Variants in NHLRC2 observed in about 807,000 individuals in gnomAD.
NHLRC2 encodes the protein NHL repeat-containing protein 2.
Under a neutral mutation model 68.1 loss-of-function variants are expected in NHLRC2, and 33 were observed. The observed-to-expected ratio is 0.48, with a 90% confidence interval of 0.37 to 0.65. The LOEUF (loss-of-function observed/expected upper bound fraction) is 0.65, where lower values mean the gene tolerates loss of function less well. NHLRC2 is among the 30% of genes least tolerant of loss of function. The probability of loss-of-function intolerance (pLI) is 0.00; values close to 1 mark genes in which losing one functional copy is unlikely to be tolerated. For missense variants in NHLRC2, 761 were observed against 853.8 expected (o/e 0.89, Z 1.35); for synonymous variants, 311 against 309.6 (o/e 1.00, Z -0.05).
In NHLRC2 at chr10:113,908,735, G is replaced by A; in HGVS notation, c.*199G>A. ...ATAAACAAATTCCTTTGCTTTGGCT[G>A]ATACTAGCTGAGTCATTGATCATCA... On this transcript the variant is annotated 3_prime_UTR_variant, in exon 11 of 11. Transcript: ENST00000369301. 1.7e-6 allele frequency: 1 copy of A among 579,892 alleles called. No individual in the cohort carries two copies. The highest frequency in any genetic ancestry group is 3.0e-5 in the Admixed American group (1 of 32,816). 35.9% of individuals were successfully genotyped at this position (579,892 alleles called of 1,614,324 possible). A position where few individuals can be genotyped will look rare whatever the true frequency, so the allele number is the denominator to read the frequency against.
intron 2 of NHLRC2, among the ~76,000 whole-genome samples, chr10:113,863,699 A>G (rs901388267): frequency 6.6e-6 from 1 of 152,156 alleles, no homozygotes; most frequent in Admixed American, 6.5e-5. Flanking sequence ...CTCTAAAAGT[A>G]CCAGAAAAAT....
Position 113,914,932 on chromosome 10 carries a change from C to G in NHLRC2, c.*6396C>G. The G allele has an allele frequency of 2.2e-6, 1 of 455,468 alleles. No homozygotes were observed. The allele number at this position is 455,468 out of a possible 1,614,324, so 28.2% of individuals were successfully genotyped here. Reference sequence around the variant, plus strand: ...ACCCTGGCCCCTTTACATATGAGCTCTGGAGGTTCGCCTGGCTGCCTCAGG... The same window carrying G: ...ACCCTGGCCCCTTTACATATGAGCTGTGGAGGTTCGCCTGGCTGCCTCAGG... On this transcript the variant is annotated 3_prime_UTR_variant, in exon 11 of 11. Transcript: ENST00000369301.
chr10:113,874,260 A>G (rs1289739570), intron 2 of NHLRC2, among the ~76,000 whole-genome samples: 3 of 152,182 alleles, frequency 2.0e-5, no homozygotes, highest in African/African-American at 7.2e-5. Flanking sequence ...CACCTGACTT[A>G]TAAGGCATTT....
chr10:113,914,828 T>C lies in NHLRC2; in HGVS notation c.*6292T>C. On this transcript the variant is annotated 3_prime_UTR_variant, in exon 11 of 11. Coordinates refer to ENST00000369301, the MANE Select transcript of NHLRC2 (RefSeq NM_198514.4). ...AGAGTTTGCTTTTTTCCCATGTCTTTGCAATAGGATAATATAAAGAATAGT... is the reference window on the plus strand; with the variant it reads ...AGAGTTTGCTTTTTTCCCATGTCTTCGCAATAGGATAATATAAAGAATAGT... 1 of 347,840 alleles carries C rather than the reference T, an allele frequency of 2.9e-6. No individual in the cohort carries two copies. Among genetic ancestry groups the C allele is most frequent in the Non-Finnish European group, 5.7e-6 (1 of 176,848 alleles). The allele number at this position is 347,840 out of a possible 1,614,324, so 21.5% of individuals were successfully genotyped here. A position where few individuals can be genotyped will look rare whatever the true frequency, so the allele number is the denominator to read the frequency against.
chr10:113,878,218 G>C (rs891597612), intron 3 of NHLRC2, among the ~76,000 whole-genome samples: 3 of 151,828 alleles, frequency 2.0e-5, no homozygotes, highest in South Asian at 2.1e-4. Flanking sequence ...TTTTCCTTAT[G>C]GGGGGGTATA....
intron 2 of NHLRC2, among the ~76,000 whole-genome samples, chr10:113,869,707 T>C (rs1845904374): frequency 6.6e-6 from 1 of 152,190 alleles, no homozygotes; most frequent in South Asian, 2.1e-4. Flanking sequence ...GTGTGATACA[T>C]GATAACATAC....
Position 113,908,781 on chromosome 10 carries a change from T to A in NHLRC2, c.*245T>A. On this transcript the variant is annotated 3_prime_UTR_variant, in exon 11 of 11. Transcript: ENST00000369301. ...CATCATTGGTACCATGATATTGTAATCTATGCTGCTATTTGGCACAAGACT... is the reference window on the plus strand; with the variant it reads ...CATCATTGGTACCATGATATTGTAAACTATGCTGCTATTTGGCACAAGACT... 4.0e-6 allele frequency: 2 copies of A among 504,756 alleles called. No individual in the cohort carries two copies. Among genetic ancestry groups the A allele is most frequent in the Non-Finnish European group, 7.1e-6 (2 of 280,970 alleles). The allele number at this position is 504,756 out of a possible 1,614,324, so 31.3% of individuals were successfully genotyped here.
chr10:113,860,935 G>C (rs944988246), intron 2 of NHLRC2, among the ~76,000 whole-genome samples: 1 of 152,204 alleles, frequency 6.6e-6, no homozygotes, highest in Non-Finnish European at 1.5e-5. Flanking sequence ...ATTTTGACTT[G>C]ATGGTGGAAA....
In NHLRC2 at chr10:113,879,594, G is replaced by A; in HGVS notation, c.808G>A (p.Asp270Asn). ...TTTAGGACCCAACCCTGGAAGAAAA[G>A]ATGGAATATTTTCAGAATCAACTTT... is the stretch of plus-strand genomic sequence containing the variant. Reference protein sequence around the residue: ...SIGGPNPGRKDGIFSESTFNS... With the variant: ...SIGGPNPGRKNGIFSESTFNS... The change falls in exon 4 of 11, where the codon GAT becomes AAT. Residue 270 changes from aspartate (D) to asparagine (N), a missense_variant. By Grantham distance (23) the Asp-to-Asn change is conservative. Transcript: ENST00000369301. The A allele has an allele frequency of 1.9e-6, 3 of 1,602,284 alleles. No individual in the cohort carries two copies. Among genetic ancestry groups the A allele is most frequent in the Non-Finnish European group, 2.6e-6 (3 of 1,173,848 alleles).
chr10:113,865,547 G>A (rs183199842), intron 2 of NHLRC2, among the ~76,000 whole-genome samples: 61 of 148,142 alleles, frequency 4.1e-4, no homozygotes, highest in Admixed American at 3.1e-3. Context: ...ATTGTGATAA[G>A]TGTTCACAGA....
intron 5 of NHLRC2, among the ~76,000 whole-genome samples, chr10:113,887,269 TACAG>T (rs1256974501): frequency 1.3e-5 from 2 of 152,176 alleles, no homozygotes; most frequent in African/African-American, 4.8e-5. Flanking sequence ...TGTAAATTAA[TACAG>T]ACATTTTGGA....
At chr10:113,858,471 T>C in intron 1 of NHLRC2, 57 bp from the exon 2 acceptor site, 2 of 1,261,396 alleles carry the variant, frequency 1.6e-6, no homozygotes, top group South Asian at 2.8e-5. Flanking sequence ...ATGGAAAGTT[T>C]TAGGTAAATT....
At chr10:113,860,827 C>G (rs1256269874) in intron 2 of NHLRC2, among the ~76,000 whole-genome samples, 1 of 152,166 alleles carries the variant, frequency 6.6e-6, no homozygotes, top group Non-Finnish European at 1.5e-5. Context: ...AGCTGATAAA[C>G]CCATGGTAAG....
intron 2 of NHLRC2, among the ~76,000 whole-genome samples, chr10:113,864,953 T>G (rs1845851000): frequency 6.7e-6 from 1 of 149,486 alleles, no homozygotes; most frequent in Admixed American, 6.7e-5. Flanking sequence ...AGAGGTTTTT[T>G]GGTTTTTTTT....
chr10:113,896,878 CAG>C, intron 5 of NHLRC2, among the ~76,000 whole-genome samples: 1 of 151,572 alleles, frequency 6.6e-6, no homozygotes, highest in East Asian at 1.9e-4. Context: ...CCTGTAGTCC[CAG>C]CTACTCGGGA....
At chr10:113,896,151 C>A (rs1846175421) in intron 5 of NHLRC2, among the ~76,000 whole-genome samples, 1 of 152,066 alleles carries the variant, frequency 6.6e-6, no homozygotes, top group Non-Finnish European at 1.5e-5. Flanking sequence ...TTTGACCCAG[C>A]AATCCTATTA....
intron 2 of NHLRC2, among the ~76,000 whole-genome samples, chr10:113,868,811 C>T (rs564968760): frequency 6.6e-6 from 1 of 152,258 alleles, no homozygotes; most frequent in South Asian, 2.1e-4. Flanking sequence ...AAAAATTGAA[C>T]TTCTGTTCTA....
At chr10:113,879,513 T>C in intron 3 of NHLRC2, 61 bp from the exon 4 acceptor site, 1 of 1,412,610 alleles carries the variant, frequency 7.1e-7, no homozygotes, top group African/African-American at 1.5e-5. Context: ...CAAGTTTGTT[T>C]TGTTTTGTTT....
In NHLRC2 at chr10:113,869,461, C is replaced by G. The variant is rs924114713; in HGVS notation, c.332-7060C>G. 2.0e-5 allele frequency among the ~76,000 whole-genome samples: 3 copies of G among 152,164 alleles called. No individual in the cohort carries two copies. In the East Asian group the frequency reaches 5.8e-4, roughly 29 times the overall value. ...TAAATCTTTACCATGACTTACAAGA[C>G]TGATCCCATCTGTATGTTTGTTCTC... On this transcript the variant is annotated intron_variant, in intron 2 of 10. Transcript: ENST00000369301.
Sources: gnomAD v4.1 joint callset for allele counts (sites outside exome capture counted in the v4.1 genomes callset) on GRCh38, gnomAD v4.1.1 for gene constraint, MANE v1.5 for transcripts, NCBI Gene and HGNC (gene_info 2026-07-23, HGNC 2026-07-21) for gene names.